Variants in SCD5 observed in about 807,000 individuals in gnomAD.
SCD5 encodes the protein stearoyl-CoA desaturase 5.
SCD5 carries 20 observed loss-of-function variants against 30.4 expected under a neutral mutation model. That is an observed-to-expected ratio of 0.66 (90% CI 0.46 to 0.96). The LOEUF (loss-of-function observed/expected upper bound fraction) is 0.96, where lower values mean the gene tolerates loss of function less well. SCD5 is among the 40% of genes least tolerant of loss of function. The pLI is 0.00. For missense variants in SCD5, 381 were observed against 443.3 expected (o/e 0.86, Z 1.26); for synonymous variants, 173 against 176.4 (o/e 0.98, Z 0.16).
At chr4:82,680,648 G>A (rs1316589184) in intron 3 of SCD5, 59 bp downstream of exon 3, 31 of 1,497,382 alleles carry the variant, frequency 2.1e-5, no homozygotes, top group Non-Finnish European at 2.8e-5. Context: ...CCACCTCATT[G>A]TGCTGTTTCT....
At chr4:82,760,993 A>G (rs1441823339) in intron 1 of SCD5, among the ~76,000 whole-genome samples, 2 of 152,188 alleles carry the variant, frequency 1.3e-5, no homozygotes, top group African/African-American at 4.8e-5. Flanking sequence ...ATTAGCCTTT[A>G]TTTGTGGCAA....
At chr4:82,680,681 G>T in intron 3 of SCD5, 26 bp downstream of exon 3, 1 of 1,609,618 alleles carries the variant, frequency 6.2e-7, no homozygotes, top group Non-Finnish European at 8.5e-7. Context: ...CTGAGGGACA[G>T]CTCTCCGTCA....
At chr4:82,796,746 G>T (rs79682585) in intron 1 of SCD5, among the ~76,000 whole-genome samples, 39 of 152,308 alleles carry the variant, frequency 2.6e-4, no homozygotes, top group African/African-American at 7.9e-4. Context: ...CTGGAAGCAG[G>T]GGGGAGAGAG....
intron 1 of SCD5, among the ~76,000 whole-genome samples, chr4:82,730,786 A>T (rs1009940566): frequency 2.0e-5 from 3 of 150,210 alleles, no homozygotes; most frequent in Admixed American, 6.6e-5. Context: ...GGGTTTCACC[A>T]TGTTAGCCAA....
chr4:82,704,089 T>C (rs1479469279), intron 2 of SCD5, among the ~76,000 whole-genome samples: 1 of 152,248 alleles, frequency 6.6e-6, no homozygotes, highest in African/African-American at 2.4e-5. Flanking sequence ...TGTTTCCTAA[T>C]TGACCTATTG....
At chr4:82,788,049 TC>T (rs1284213295) in intron 1 of SCD5, among the ~76,000 whole-genome samples, 1 of 151,946 alleles carries the variant, frequency 6.6e-6, no homozygotes, top group Non-Finnish European at 1.5e-5. Context: ...AATCAATCAA[TC>T]AATCAATACT....
intron 3 of SCD5, among the ~76,000 whole-genome samples, chr4:82,675,302 A>G (rs892782335): frequency 6.6e-6 from 1 of 152,138 alleles, no homozygotes; most frequent in African/African-American, 2.4e-5. Context: ...TAAAATAATG[A>G]GCCTTTAAAA....
At chr4:82,752,732 C>T (rs1108017) in intron 1 of SCD5, among the ~76,000 whole-genome samples, 11 of 152,128 alleles carry the variant, frequency 7.2e-5, no homozygotes, top group Non-Finnish European at 1.6e-4. Flanking sequence ...CCACTCAGTT[C>T]TTTCACGCTT....
chr4:82,631,586 A>AT (rs1222213050), intron 4 of SCD5, 69 bp from the exon 5 acceptor site: 12 of 1,522,508 alleles, frequency 7.9e-6, no homozygotes, highest in East Asian at 6.9e-5. Flanking sequence ...TGAATCACCT[A>AT]TTTTTTCAGG....
At chr4:82,673,284 A>G (rs1193558136) in intron 3 of SCD5, among the ~76,000 whole-genome samples, 2 of 152,128 alleles carry the variant, frequency 1.3e-5, no homozygotes, top group African/African-American at 4.8e-5. Context: ...AAAATAAAAA[A>G]CCATTCCTGT....
chr4:82,659,636 C>T (rs187126027), intron 3 of SCD5, among the ~76,000 whole-genome samples: 22 of 152,206 alleles, frequency 1.4e-4, no homozygotes, highest in Non-Finnish European at 2.1e-4. Context: ...GGTGGTTGTG[C>T]GGTTTTGAGT....
At chr4:82,795,642 C>T (rs745666210) in intron 1 of SCD5, among the ~76,000 whole-genome samples, 2 of 151,248 alleles carry the variant, frequency 1.3e-5, no homozygotes, top group South Asian at 2.1e-4. Context: ...CATGGTGAGA[C>T]CCCCATCTCT....
chr4:82,686,860 T>C (rs1021461537), intron 2 of SCD5, among the ~76,000 whole-genome samples: 9 of 152,020 alleles, frequency 5.9e-5, no homozygotes, highest in African/African-American at 2.2e-4. Flanking sequence ...AAGATGAAGG[T>C]AAAAGTAGTT....
intron 3 of SCD5, among the ~76,000 whole-genome samples, chr4:82,642,422 C>T (rs1162211159): frequency 6.6e-6 from 1 of 152,080 alleles, no homozygotes; most frequent in Non-Finnish European, 1.5e-5. Context: ...AATATTGTCC[C>T]CTCAGGATTT....
At chr4:82,740,764 G>C (rs896184916) in intron 1 of SCD5, among the ~76,000 whole-genome samples, 1 of 152,066 alleles carries the variant, frequency 6.6e-6, no homozygotes, top group Admixed American at 6.6e-5. Context: ...CCAAATGTAA[G>C]CAAAATGTAA....
chr4:82,664,991 C>CTATATA (rs1373219675), intron 3 of SCD5, among the ~76,000 whole-genome samples: 13 of 96,152 alleles, frequency 1.4e-4, no homozygotes, highest in East Asian at 8.4e-4. Flanking sequence ...CTCTCTCTCT[C>CTATATA]TCTCTCTCTA....
At chr4:82,655,073 C>T (rs1727842265) in intron 3 of SCD5, among the ~76,000 whole-genome samples, 1 of 152,168 alleles carries the variant, frequency 6.6e-6, no homozygotes, top group Non-Finnish European at 1.5e-5. Context: ...CTTAACATTC[C>T]CTCTGAAATT....
chr4:82,658,630 CT>C (rs57727794), intron 3 of SCD5, among the ~76,000 whole-genome samples: 27 of 116,924 alleles, frequency 2.3e-4, no homozygotes, highest in African/African-American at 5.9e-4. Flanking sequence ...CCACACCTGG[CT>C]TTTTTTTTTT....
intron 1 of SCD5, among the ~76,000 whole-genome samples, chr4:82,736,578 A>T (rs1466643386): frequency 6.6e-6 from 1 of 150,886 alleles, no homozygotes; most frequent in African/African-American, 2.4e-5. Flanking sequence ...ATTGCACTCC[A>T]GTCTGGGGGA....
Sources: gnomAD v4.1 joint callset for allele counts (sites outside exome capture counted in the v4.1 genomes callset) on GRCh38, gnomAD v4.1.1 for gene constraint, MANE v1.5 for transcripts, NCBI Gene and HGNC (gene_info 2026-07-23, HGNC 2026-07-21) for gene names.